FHIT: variants seen among roughly 807,000 people sequenced by gnomAD.
The protein encoded by FHIT is fragile histidine triad diadenosine triphosphatase, also known as bis(5'-adenosyl)-triphosphatase.
In FHIT, 19 loss-of-function variants were observed where a neutral mutation model predicts 17.9. That is an observed-to-expected ratio of 1.06 (90% CI 0.74 to 1.56). The LOEUF (loss-of-function observed/expected upper bound fraction) is 1.56, where lower values mean the gene tolerates loss of function less well. FHIT is among the 40% of genes most tolerant of loss of function. The probability of loss-of-function intolerance (pLI) is 0.00; values close to 1 mark genes in which losing one functional copy is unlikely to be tolerated. For synonymous variants in FHIT, 81 were observed against 69.7 expected (o/e 1.16, Z -0.81); for missense variants, 248 against 189.2 (o/e 1.31, Z -1.82).
intron 8 of FHIT, among the ~76,000 whole-genome samples, chr3:59,890,794 G>A (rs1703822668): frequency 6.6e-6 from 1 of 152,146 alleles, no homozygotes. Context: ...ACAATGCTAA[G>A]GTCAAAGAAG....
intron 5 of FHIT, among the ~76,000 whole-genome samples, chr3:60,439,353 G>C (rs1174340284): frequency 6.6e-6 from 1 of 152,096 alleles, no homozygotes; most frequent in Non-Finnish European, 1.5e-5. Context: ...CTCTAGCCAA[G>C]AGTTTCAATC....
intron 3 of FHIT, among the ~76,000 whole-genome samples, chr3:60,884,391 T>A (rs1553758773): frequency 3.3e-5 from 5 of 152,086 alleles, no homozygotes; most frequent in Admixed American, 3.3e-4. Context: ...GAAATCAGGA[T>A]ATTGAAGAGA....
chr3:60,881,743 A>C (rs991964836), intron 3 of FHIT, among the ~76,000 whole-genome samples: 1 of 152,152 alleles, frequency 6.6e-6, no homozygotes, highest in African/African-American at 2.4e-5. Context: ...ATCAAAACTT[A>C]TGAGATACAG....
intron 2 of FHIT, among the ~76,000 whole-genome samples, chr3:61,183,695 C>G (rs2038414476): frequency 6.6e-6 from 1 of 152,186 alleles, no homozygotes; most frequent in Non-Finnish European, 1.5e-5. Flanking sequence ...AAAAAGCCAG[C>G]TACATTTTTG....
intron 3 of FHIT, among the ~76,000 whole-genome samples, chr3:61,034,633 A>C (rs554930845): frequency 6.6e-6 from 1 of 152,164 alleles, no homozygotes; most frequent in South Asian, 2.1e-4. Context: ...GGAAAATAAC[A>C]AATGTTGGTA....
At chr3:60,659,268 C>T (rs2040187031) in intron 4 of FHIT, among the ~76,000 whole-genome samples, 1 of 151,832 alleles carries the variant, frequency 6.6e-6, no homozygotes, top group Non-Finnish European at 1.5e-5. Flanking sequence ...TCTTTGAGTT[C>T]ATCCTATTTG....
intron 5 of FHIT, among the ~76,000 whole-genome samples, chr3:60,207,311 G>A (rs1703242777): frequency 6.6e-6 from 1 of 151,914 alleles, no homozygotes; most frequent in Admixed American, 6.6e-5. Flanking sequence ...CAAAATATAA[G>A]ACAGCCATCT....
At chr3:59,967,533 G>A (rs1274112434) in intron 7 of FHIT, among the ~76,000 whole-genome samples, 3 of 152,066 alleles carry the variant, frequency 2.0e-5, no homozygotes, top group Admixed American at 6.6e-5. Flanking sequence ...TCATACATGC[G>A]GTCTGTGGTT....
chr3:60,235,722 C>G (rs144584477), intron 5 of FHIT, among the ~76,000 whole-genome samples: 2 of 152,100 alleles, frequency 1.3e-5, no homozygotes, highest in Non-Finnish European at 2.9e-5. Flanking sequence ...GCTTGAAAAA[C>G]ATCACAACAG....
At chr3:60,932,250 G>A (rs978144218) in intron 3 of FHIT, among the ~76,000 whole-genome samples, 3 of 152,130 alleles carry the variant, frequency 2.0e-5, no homozygotes. Context: ...GGAAAGCAAA[G>A]CTCACACAGG....
At chr3:59,977,318 G>T (rs532277001) in intron 7 of FHIT, among the ~76,000 whole-genome samples, 1 of 152,098 alleles carries the variant, frequency 6.6e-6, no homozygotes, top group Admixed American at 6.6e-5. Flanking sequence ...CTACTTGGAA[G>T]GCTCTCCTAG....
intron 1 of FHIT, among the ~76,000 whole-genome samples, chr3:61,233,089 G>C (rs2040145746): frequency 6.6e-6 from 1 of 152,182 alleles, no homozygotes; most frequent in Admixed American, 6.6e-5. Flanking sequence ...AAAATAAAGA[G>C]CTAAAAGATT....
chr3:59,998,515 G>A (rs930447835), intron 7 of FHIT, among the ~76,000 whole-genome samples: 1 of 152,096 alleles, frequency 6.6e-6, no homozygotes, highest in African/African-American at 2.4e-5. Flanking sequence ...AGGACCTCGT[G>A]TTCTTTAGAG....
intron 7 of FHIT, among the ~76,000 whole-genome samples, chr3:59,963,244 G>T (rs1404344129): frequency 2.0e-5 from 3 of 151,980 alleles, no homozygotes; most frequent in African/African-American, 4.8e-5. Context: ...TCCAGCCTGG[G>T]TGACAGAGCG....
intron 4 of FHIT, among the ~76,000 whole-genome samples, chr3:60,783,698 T>C (rs545994854): frequency 1.3e-5 from 2 of 152,234 alleles, no homozygotes; most frequent in East Asian, 1.9e-4. Flanking sequence ...GGGGGACTAA[T>C]GGTTTTAAAA....
At chr3:60,551,756 T>C (rs1173584482) in intron 4 of FHIT, among the ~76,000 whole-genome samples, 3 of 150,418 alleles carry the variant, frequency 2.0e-5, no homozygotes, top group Non-Finnish European at 4.4e-5. Flanking sequence ...AGATCCTGTC[T>C]ATAAAAATAA....
chr3:60,615,497 G>GA (rs2038924084), intron 4 of FHIT, among the ~76,000 whole-genome samples: 1 of 152,154 alleles, frequency 6.6e-6, no homozygotes, highest in Non-Finnish European at 1.5e-5. Flanking sequence ...TAATAAATCA[G>GA]AAATTTAAAT....
intron 3 of FHIT, among the ~76,000 whole-genome samples, chr3:61,031,799 C>T (rs189766764): frequency 1.2e-3 from 183 of 152,120 alleles, no homozygotes; most frequent in African/African-American, 4.3e-3. Context: ...GAACAGGCAA[C>T]CCTAAAATGA....
chr3:60,123,449 G>A (rs1705348774), intron 5 of FHIT, among the ~76,000 whole-genome samples: 1 of 152,158 alleles, frequency 6.6e-6, no homozygotes, highest in South Asian at 2.1e-4. Context: ...ATAAGAGACT[G>A]AGTAACCTCA....
Sources: gnomAD v4.1 joint callset for allele counts (sites outside exome capture counted in the v4.1 genomes callset) on GRCh38, gnomAD v4.1.1 for gene constraint, MANE v1.5 for transcripts, NCBI Gene and HGNC (gene_info 2026-07-23, HGNC 2026-07-21) for gene names.